DPP6: variants seen among roughly 807,000 people sequenced by gnomAD.
DPP6 encodes A-type potassium channel modulatory protein DPP6.
In DPP6, 69 loss-of-function variants were observed where a neutral mutation model predicts 122.6. The ratio of observed to expected loss-of-function variants is 0.56; its 90% CI spans 0.46 to 0.69. DPP6 has a LOEUF of 0.69. Ranked by LOEUF, DPP6 falls within the 30% of genes least tolerant of loss-of-function variation. The pLI, the probability that DPP6 is intolerant of heterozygous loss-of-function variation, is 0.00. For missense variants in DPP6, 928 were observed against 1,116.9 expected (o/e 0.83, Z 2.41); for synonymous variants, 418 against 433.1 (o/e 0.97, Z 0.43).
chr7:154,531,953 A>G (rs1043882749), intron 3 of DPP6, among the ~76,000 whole-genome samples: 1 of 152,158 alleles, frequency 6.6e-6, no homozygotes, highest in African/African-American at 2.4e-5. Context: ...AGATATTTAA[A>G]CAATAAAATG....
At chr7:153,852,426 G>A in the DPP6 span, among the ~76,000 whole-genome samples, 4 of 152,074 alleles carry the variant, frequency 2.6e-5, no homozygotes, top group Non-Finnish European at 5.9e-5. Context: ...AGGAGCAAGA[G>A]AGTGGGAGCT....
chr7:153,853,353 A>C, the DPP6 span, among the ~76,000 whole-genome samples: 17 of 152,246 alleles, frequency 1.1e-4, 1 homozygote, highest in Admixed American at 9.8e-4. Flanking sequence ...CTTGGATTTT[A>C]CAGTGTTAAA....
intron 1 of DPP6, among the ~76,000 whole-genome samples, chr7:153,924,541 T>G (rs1007348474): frequency 6.6e-6 from 1 of 152,238 alleles, no homozygotes; most frequent in Admixed American, 6.5e-5. Context: ...GAGATCTTAT[T>G]CAATCTTTTA....
chr7:154,138,211 T>C (rs1193224051), intron 1 of DPP6, among the ~76,000 whole-genome samples: 1 of 152,246 alleles, frequency 6.6e-6, no homozygotes. Context: ...CAAGGCTTTT[T>C]ATGAGACACA....
intron 1 of DPP6, among the ~76,000 whole-genome samples, chr7:154,444,690 C>T (rs936247037): frequency 6.6e-6 from 1 of 152,182 alleles, no homozygotes; most frequent in African/African-American, 2.4e-5. Flanking sequence ...AAGATTCCTG[C>T]TAGTCACAGA....
At chr7:154,426,083 A>T (rs1817887186) in intron 1 of DPP6, among the ~76,000 whole-genome samples, 1 of 151,976 alleles carries the variant, frequency 6.6e-6, no homozygotes, top group African/African-American at 2.4e-5. Context: ...TGCTATAGAG[A>T]CTATAGATTG....
chr7:154,112,201 C>T (rs1372496149), intron 1 of DPP6, among the ~76,000 whole-genome samples: 3 of 152,080 alleles, frequency 2.0e-5, no homozygotes, highest in African/African-American at 7.2e-5. Context: ...ATCACCAATA[C>T]TTACTTTACA....
chr7:154,373,429 G>A (rs1273616239), intron 1 of DPP6, among the ~76,000 whole-genome samples: 1 of 152,194 alleles, frequency 6.6e-6, no homozygotes, highest in Non-Finnish European at 1.5e-5. Flanking sequence ...CCATCTCTGT[G>A]AACGGGCTCC....
chr7:154,112,779 C>T (rs940157390), intron 1 of DPP6, among the ~76,000 whole-genome samples: 3 of 152,168 alleles, frequency 2.0e-5, no homozygotes, highest in Non-Finnish European at 4.4e-5. Flanking sequence ...GATCTACCCT[C>T]TCCATAAATG....
intron 1 of DPP6, among the ~76,000 whole-genome samples, chr7:154,339,721 A>C (rs1330597842): frequency 6.6e-6 from 1 of 152,078 alleles, no homozygotes; most frequent in Admixed American, 6.6e-5. Flanking sequence ...TGAAAGTGGC[A>C]TATTTTAAGT....
the DPP6 span, among the ~76,000 whole-genome samples, chr7:153,863,837 T>C: frequency 6.6e-6 from 1 of 152,198 alleles, no homozygotes; most frequent in Non-Finnish European, 1.5e-5. Context: ...TACGTGGTCT[T>C]TCATGACTGG....
intron 1 of DPP6, among the ~76,000 whole-genome samples, chr7:154,288,847 A>G (rs540704374): frequency 6.6e-6 from 1 of 152,358 alleles, no homozygotes; most frequent in South Asian, 2.1e-4. Context: ...AAAGAGATCT[A>G]GTTCCATGTG....
At chr7:154,350,124 C>A (rs1294075428) in intron 1 of DPP6, among the ~76,000 whole-genome samples, 1 of 152,090 alleles carries the variant, frequency 6.6e-6, no homozygotes, top group Admixed American at 6.6e-5. Flanking sequence ...GGAGATGAGA[C>A]CCTGGTCACC....
Position 154,826,826 on chromosome 7 carries a change from G to A in DPP6, c.1666+19714G>A, listed in dbSNP as rs79435616. ...CATGCAGAGAAAAATGAGCAGAGAC[G>A]TCTGGCTAAATGTTACATCTGCTTT... On this transcript the variant is annotated intron_variant, in intron 16 of 25. Coordinates refer to ENST00000377770, the MANE Select transcript of DPP6 (RefSeq NM_130797.4). Among the ~76,000 whole-genome samples, 17 of 152,174 alleles carry A rather than the reference G, an allele frequency of 1.1e-4. 1 individual carries two copies. In the East Asian group the frequency reaches 1.5e-3, roughly 14 times the overall value.
At chr7:154,771,847 A>T (rs915781046) in intron 9 of DPP6, among the ~76,000 whole-genome samples, 1 of 152,208 alleles carries the variant, frequency 6.6e-6, no homozygotes, top group Admixed American at 6.5e-5. Flanking sequence ...AGTTGGAAGC[A>T]TAATTAAATA....
At chr7:154,070,353 G>T (rs1803032864) in intron 1 of DPP6, among the ~76,000 whole-genome samples, 1 of 151,790 alleles carries the variant, frequency 6.6e-6, no homozygotes, top group Non-Finnish European at 1.5e-5. Context: ...GCCTCGGTTT[G>T]ATTTTCTCCT....
chr7:153,796,039 G>GCGATGA, the DPP6 span, among the ~76,000 whole-genome samples: 1 of 141,688 alleles, frequency 7.1e-6, no homozygotes, highest in Admixed American at 7.3e-5. Flanking sequence ...CCAGAATTGG[G>GCGATGA]TCTACTGTGG....
intron 17 of DPP6, among the ~76,000 whole-genome samples, chr7:154,865,159 G>C (rs1373605868): frequency 6.6e-6 from 1 of 152,164 alleles, no homozygotes; most frequent in African/African-American, 2.4e-5. Context: ...CCCTTTCTGG[G>C]ACCCAGAAGC....
At chr7:154,528,926 T>C (rs898448504) in intron 3 of DPP6, among the ~76,000 whole-genome samples, 1 of 152,100 alleles carries the variant, frequency 6.6e-6, no homozygotes, top group Non-Finnish European at 1.5e-5. Flanking sequence ...GATGCTTTGT[T>C]GGGGTGATAG....
Sources: allele counts gnomAD v4.1 joint callset (sites outside exome capture counted in the v4.1 genomes callset), GRCh38; gene constraint gnomAD v4.1.1; transcripts MANE v1.5; gene names NCBI Gene and HGNC (gene_info 2026-07-23, HGNC 2026-07-21).